ADAM32: variants seen among roughly 807,000 people sequenced by gnomAD.
ADAM32 encodes ADAM metallopeptidase domain 32, also known as disintegrin and metalloproteinase domain-containing protein 32.
ADAM32 carries 89 observed loss-of-function variants against 114.9 expected under a neutral mutation model. That is an observed-to-expected ratio of 0.77 (90% CI 0.65 to 0.92). The LOEUF is 0.92. Among genes scored for constraint, ADAM32 ranks in the 40% least tolerant of loss-of-function variants. The pLI, the probability that ADAM32 is intolerant of heterozygous loss-of-function variation, is 0.00. For missense variants in ADAM32, 870 were observed against 932.8 expected (o/e 0.93, Z 0.88); for synonymous variants, 285 against 307.5 (o/e 0.93, Z 0.77).
intron 11 of ADAM32, among the ~76,000 whole-genome samples, chr8:39,203,003 G>T (rs187452865): frequency 0.027 from 4,100 of 152,296 alleles, 76 homozygotes; most frequent in Non-Finnish European, 0.045. Context: ...GAGACAGTTT[G>T]TTATAATTTC....
intron 19 of ADAM32, among the ~76,000 whole-genome samples, chr8:39,269,972 G>A (rs1314320096): frequency 6.6e-6 from 1 of 152,208 alleles, no homozygotes; most frequent in Admixed American, 6.5e-5. Context: ...GGAGGGAGAA[G>A]TGCTGAGCGG....
intron 23 of ADAM32, among the ~76,000 whole-genome samples, chr8:39,281,536 C>T (rs61371476): frequency 0.043 from 6,521 of 152,216 alleles, 512 homozygotes; most frequent in African/African-American, 0.15. Context: ...TTTCAGGTTG[C>T]ATTTACACCC....
intron 2 of ADAM32, among the ~76,000 whole-genome samples, chr8:39,119,206 A>G (rs1840499083): frequency 6.6e-6 from 1 of 152,192 alleles, no homozygotes; most frequent in South Asian, 2.1e-4. Flanking sequence ...GTATGGACAT[A>G]TATTTTCCCT....
intron 16 of ADAM32, among the ~76,000 whole-genome samples, chr8:39,239,343 T>TA: frequency 6.6e-6 from 1 of 152,276 alleles, no homozygotes; most frequent in Middle Eastern, 3.4e-3. Context: ...GAGGGAAAGA[T>TA]AAAGTCTTTT....
intron 2 of ADAM32, among the ~76,000 whole-genome samples, chr8:39,120,715 T>C (rs1490556877): frequency 3.4e-5 from 5 of 145,404 alleles, no homozygotes; most frequent in Admixed American, 2.9e-4. Flanking sequence ...TGAGCCGAGA[T>C]TGGGCCACTG....
intron 12 of ADAM32, among the ~76,000 whole-genome samples, chr8:39,214,883 G>A (rs1474834769): frequency 6.6e-6 from 1 of 151,874 alleles, no homozygotes; most frequent in African/African-American, 2.4e-5. Flanking sequence ...AGAGGGAGGG[G>A]TCTAGTTTCA....
At chr8:39,136,746 T>A (rs1802830929) in intron 3 of ADAM32, 28 bp downstream of exon 3, 4 of 1,378,608 alleles carry the variant, frequency 2.9e-6, no homozygotes, top group Non-Finnish European at 3.9e-6. Flanking sequence ...AGTTTTGGAT[T>A]TTATTTTATT....
At chr8:39,108,070 C>T (rs1840001392) in intron 1 of ADAM32, 2 of 483,300 alleles carry the variant, frequency 4.1e-6, no homozygotes, top group Non-Finnish European at 6.9e-6. Context: ...GATTGTTTGA[C>T]CTCGGAGTTG....
Position 39,204,182 on chromosome 8 carries a change from T to C in ADAM32, c.1053-6962T>C, listed in dbSNP as rs1807646901. The stretch of plus-strand genomic sequence containing the variant: ...TCCTGAATTTGAATGTTGGCCTGCC[T>C]TGCTAGATTGGGGAAGTTCTCCTGG... On this transcript the variant is annotated intron_variant, in intron 11 of 24. Transcript: ENST00000379907. Among the ~76,000 whole-genome samples the C allele has an allele frequency of 2.6e-5, 4 of 152,224 alleles. No homozygotes were observed. The South Asian group carries it at 8.3e-4, about 32-fold the overall frequency.
chr8:39,224,209 G>A (rs937271373), intron 14 of ADAM32: 8 of 151,958 alleles, frequency 5.3e-5, no homozygotes, highest in African/African-American at 1.7e-4. Flanking sequence ...CCAAATCTTG[G>A]TTATTATGAA....
At chr8:39,246,312 T>C (rs998940547) in intron 17 of ADAM32, 146 bp downstream of exon 17, 4 of 654,732 alleles carry the variant, frequency 6.1e-6, no homozygotes, top group African/African-American at 1.8e-5. Flanking sequence ...AGTCATTAAA[T>C]TCAGCAGCCA....
chr8:39,180,451 G>A (rs1256941100), intron 10 of ADAM32, among the ~76,000 whole-genome samples: 4 of 152,210 alleles, frequency 2.6e-5, no homozygotes, highest in Non-Finnish European at 5.9e-5. Context: ...CCTCCCCGAC[G>A]AGCGCTGCCC....
intron 9 of ADAM32, chr8:39,168,414 C>G (rs750739540): frequency 2.0e-5 from 3 of 152,178 alleles, no homozygotes; most frequent in Non-Finnish European, 4.4e-5. Flanking sequence ...CAGGGAGTGA[C>G]TGCCCTCAGC....
chr8:39,237,354 C>T (rs967872909), intron 16 of ADAM32, among the ~76,000 whole-genome samples: 1 of 152,084 alleles, frequency 6.6e-6, no homozygotes, highest in Non-Finnish European at 1.5e-5. Flanking sequence ...TGTGAATTTT[C>T]CTGGGCAGAT....
At chr8:39,210,301 G>A (rs981529072) in intron 11 of ADAM32, among the ~76,000 whole-genome samples, 1 of 152,156 alleles carries the variant, frequency 6.6e-6, no homozygotes, top group Non-Finnish European at 1.5e-5. Context: ...GATTGGGGAC[G>A]GGATGGTGTA....
At chr8:39,284,446 T>C (rs530798108) in intron 24 of ADAM32, among the ~76,000 whole-genome samples, 21 of 151,836 alleles carry the variant, frequency 1.4e-4, no homozygotes, top group African/African-American at 5.1e-4. Context: ...CTGCAAGGTA[T>C]GAAAAAAGGA....
chr8:39,176,214 T>C (rs1308387404), intron 10 of ADAM32, among the ~76,000 whole-genome samples: 1 of 152,210 alleles, frequency 6.6e-6, no homozygotes, highest in Non-Finnish European at 1.5e-5. Flanking sequence ...TGGTTATTTC[T>C]TGTCTTCTGC....
At chr8:39,219,015 C>T (rs1808770520) in intron 12 of ADAM32, among the ~76,000 whole-genome samples, 1 of 152,064 alleles carries the variant, frequency 6.6e-6, no homozygotes, top group Admixed American at 6.5e-5. Context: ...CCATTCAAGG[C>T]AGCAGGTTCC....
chr8:39,264,324 G>C (rs1490301212), intron 19 of ADAM32, among the ~76,000 whole-genome samples: 9 of 152,022 alleles, frequency 5.9e-5, no homozygotes, highest in African/African-American at 2.2e-4. Flanking sequence ...ATTTCTTCTA[G>C]GTTTTCTAGT....
Sources: allele counts gnomAD v4.1 joint callset (sites outside exome capture counted in the v4.1 genomes callset), GRCh38; gene constraint gnomAD v4.1.1; transcripts MANE v1.5; gene names NCBI Gene and HGNC (gene_info 2026-07-23, HGNC 2026-07-21).